AP3S1: variants seen among roughly 807,000 people sequenced by gnomAD.
AP3S1 encodes the protein adaptor related protein complex 3 subunit sigma 1, also known as AP-3 complex subunit sigma-1.
In AP3S1, 12 loss-of-function variants were observed where a neutral mutation model predicts 21.3. That is an observed-to-expected ratio of 0.56 (90% CI 0.36 to 0.91). AP3S1 has a LOEUF of 0.91. Ranked by LOEUF, AP3S1 falls within the 40% of genes least tolerant of loss-of-function variation. The pLI is 0.01. For synonymous variants in AP3S1, 48 were observed against 78.4 expected, an observed-to-expected ratio of 0.61 and a Z score of 2.05; for missense variants, 116 against 225.0, an observed-to-expected ratio of 0.52 and a Z score of 3.10.
intron 3 of AP3S1, among the ~76,000 whole-genome samples, chr5:115,887,112 A>G (rs1429299699): frequency 6.6e-6 from 1 of 152,154 alleles, no homozygotes; most frequent in Non-Finnish European, 1.5e-5. Context: ...GGCTACATTC[A>G]TAATTGTTCT....
At chr5:115,887,392 T>C (rs1254221768) in intron 3 of AP3S1, among the ~76,000 whole-genome samples, 3 of 151,948 alleles carry the variant, frequency 2.0e-5, no homozygotes, top group Non-Finnish European at 4.4e-5. Context: ...TTATTGTAGA[T>C]TCAAAACAGC....
Position 115,895,168 on chromosome 5 carries a change from G to A in AP3S1, c.345+10G>A, listed in dbSNP as rs769036892. The A allele has an allele frequency of 6.3e-7, 1 of 1,576,320 alleles. No homozygotes were observed. The highest frequency in any genetic ancestry group is 8.6e-7 in the Non-Finnish European group (1 of 1,158,564). ...TTTCCATGTAGACAAGGTACTATTT[G>A]TATTGTCACATCTAAGCTTTTTAAG... On this transcript the variant is annotated intron_variant, in intron 4 of 5. Transcript: ENST00000316788.
intron 4 of AP3S1, among the ~76,000 whole-genome samples, chr5:115,901,700 G>T (rs371111374): frequency 1.2e-4 from 19 of 152,108 alleles, no homozygotes; most frequent in African/African-American, 4.1e-4. Flanking sequence ...AAGTACAGAC[G>T]TGAGGCACTA....
At chr5:115,842,357 C>T (rs1047372256) in intron 1 of AP3S1, 2 of 463,856 alleles carry the variant, frequency 4.3e-6, no homozygotes, top group East Asian at 4.3e-5. Context: ...GCATGCTTTC[C>T]TGGCTGCGCG....
intron 1 of AP3S1, among the ~76,000 whole-genome samples, chr5:115,850,140 G>A (rs554924607): frequency 2.0e-4 from 31 of 152,224 alleles, no homozygotes; most frequent in Non-Finnish European, 3.8e-4. Context: ...TGCAAGCCTG[G>A]TGTAATTACA....
At chr5:115,844,471 G>A (rs1189480020) in intron 1 of AP3S1, among the ~76,000 whole-genome samples, 1 of 152,214 alleles carries the variant, frequency 6.6e-6, no homozygotes, top group Non-Finnish European at 1.5e-5. Flanking sequence ...AGACTTGAAG[G>A]AGGTAAGAAA....
At chr5:115,885,392 G>GAGTT (rs951234111) in intron 3 of AP3S1, among the ~76,000 whole-genome samples, 5 of 152,312 alleles carry the variant, frequency 3.3e-5, no homozygotes, top group Admixed American at 6.5e-5. Flanking sequence ...AAAGGCCAGA[G>GAGTT]AGTTCCCTGG....
intron 1 of AP3S1, among the ~76,000 whole-genome samples, chr5:115,849,561 T>C (rs1762289368): frequency 1.3e-5 from 2 of 152,144 alleles, no homozygotes; most frequent in South Asian, 4.1e-4. Context: ...CTTCTTGACA[T>C]AATTCAGTTT....
intron 1 of AP3S1, among the ~76,000 whole-genome samples, chr5:115,863,814 G>A (rs1158077282): frequency 2.6e-5 from 4 of 152,156 alleles, no homozygotes. Context: ...AAAATTTAAT[G>A]CCAGCAAAGG....
At chr5:115,860,581 AG>A (rs1242295661) in intron 1 of AP3S1, among the ~76,000 whole-genome samples, 3 of 152,214 alleles carry the variant, frequency 2.0e-5, no homozygotes, top group Non-Finnish European at 2.9e-5. Flanking sequence ...CATATGTAAA[AG>A]CACCAATTCA....
chr5:115,906,743 C>A, intron 5 of AP3S1: 1 of 1,128,594 alleles, frequency 8.9e-7, no homozygotes, highest in Non-Finnish European at 1.2e-6. Flanking sequence ...AATTTAGTCA[C>A]TACTTTTTGA....
At chr5:115,848,856 A>C (rs1330462252) in intron 1 of AP3S1, among the ~76,000 whole-genome samples, 1 of 152,224 alleles carries the variant, frequency 6.6e-6, no homozygotes, top group Non-Finnish European at 1.5e-5. Context: ...ATATAGTTAA[A>C]ACAGCTTTCT....
At position 115,870,099 on chromosome 5, in the gene AP3S1, A is replaced by G. The variant is rs993069292; in HGVS notation, c.244A>G (p.Ser82Gly). ...YFVFCVDSSE[S>G]ELGILDLIQV... ...TGTCTTCTGTGTGGATTCTTCAGAA[A>G]GTGAACTTGGCATTTTAGATCTAAT... The change falls in exon 3 of 6, where the codon AGT becomes GGT. Residue 82 changes from serine to glycine, a missense_variant. Physicochemically the swap from Ser to Gly is moderately conservative, Grantham distance 56. Transcript: ENST00000316788. 6.2e-7 allele frequency: 1 copy of G among 1,609,662 alleles called. No individual in the cohort carries two copies. Among genetic ancestry groups the G allele is most frequent in the Non-Finnish European group, 8.5e-7 (1 of 1,178,838 alleles).
At chr5:115,843,345 A>G (rs140781027) in intron 1 of AP3S1, among the ~76,000 whole-genome samples, 165 of 152,332 alleles carry the variant, frequency 1.1e-3, no homozygotes, top group African/African-American at 3.8e-3. Context: ...TGCAGTCTGG[A>G]GGTGTTAGTT....
At chr5:115,851,790 C>T (rs368820456) in intron 1 of AP3S1, among the ~76,000 whole-genome samples, 221 of 152,064 alleles carry the variant, frequency 1.5e-3, no homozygotes, top group African/African-American at 4.7e-3. Flanking sequence ...TTGATAGTGT[C>T]CTTTGATACA....
intron 3 of AP3S1, among the ~76,000 whole-genome samples, chr5:115,883,077 A>G (rs1487300588): frequency 1.3e-5 from 2 of 152,164 alleles, no homozygotes; most frequent in Non-Finnish European, 2.9e-5. Context: ...TCCCAGGTTG[A>G]CTTCAGACTG....
chr5:115,870,633 G>T (rs1748148145), intron 3 of AP3S1, among the ~76,000 whole-genome samples: 1 of 152,158 alleles, frequency 6.6e-6, no homozygotes, highest in Non-Finnish European at 1.5e-5. Flanking sequence ...GAGCCTGGAG[G>T]TGTAATCTTA....
rs147771994 is a variant in AP3S1 at position 115,890,035 on chromosome 5, C to T, written c.274-5052C>T. Among the ~76,000 whole-genome samples, 373 of 152,080 alleles carry T rather than the reference C, an allele frequency of 2.5e-3. 2 individuals are homozygous for T. The highest frequency in any genetic ancestry group is 8.5e-3 in the African/African-American group (353 of 41,526). ...AAGGCTATGGAACTACAGAAACTCT[C>T]ATATACTGCTATTTAAAGTCTAAGT... On this transcript the variant is annotated intron_variant, in intron 3 of 5. Coordinates refer to ENST00000316788, the MANE Select transcript of AP3S1 (RefSeq NM_001284.4).
At chr5:115,876,127 C>T (rs571009036) in intron 3 of AP3S1, among the ~76,000 whole-genome samples, 6 of 152,246 alleles carry the variant, frequency 3.9e-5, no homozygotes, top group African/African-American at 1.2e-4. Flanking sequence ...AGTTATATAA[C>T]TTTAGGCAAT....
Sources: gnomAD v4.1 joint callset for allele counts (sites outside exome capture counted in the v4.1 genomes callset) on GRCh38, gnomAD v4.1.1 for gene constraint, MANE v1.5 for transcripts, NCBI Gene and HGNC (gene_info 2026-07-23, HGNC 2026-07-21) for gene names.